Variants in ZNF655 observed in about 807,000 individuals in gnomAD.
The protein encoded by ZNF655 is zinc finger protein 655.
In ZNF655, 3 loss-of-function variants were observed where a neutral mutation model predicts 6.6. The ratio of observed to expected loss-of-function variants is 0.46; its 90% confidence interval spans 0.21 to 1.18. The LOEUF (loss-of-function observed/expected upper bound fraction) is 1.18. Among genes scored for constraint, ZNF655 ranks in the 50% most tolerant of loss-of-function variants. The pLI, the probability that ZNF655 is intolerant of heterozygous loss-of-function variation, is 0.24. For missense variants in ZNF655, 526 were observed against 572.3 expected (o/e 0.92, Z 0.83); for synonymous variants, 178 against 195.0 (o/e 0.91, Z 0.73).
intron 2 of ZNF655, among the ~76,000 whole-genome samples, chr7:99,561,574 T>C (rs371074946): frequency 7.7e-4 from 117 of 152,342 alleles, no homozygotes; most frequent in African/African-American, 2.6e-3. Flanking sequence ...CCCACAAGTC[T>C]TTATGCTTTG....
At chr7:99,571,459 A>G in intron 2 of ZNF655, 3 of 1,269,442 alleles carry the variant, frequency 2.4e-6, no homozygotes, top group Non-Finnish European at 3.0e-6. Context: ...TAATATTTAA[A>G]TGAATCCTTC....
intron 2 of ZNF655, among the ~76,000 whole-genome samples, chr7:99,565,969 T>TATAC (rs1554397932): frequency 6.6e-6 from 1 of 150,906 alleles, no homozygotes. Flanking sequence ...TATGTATGTA[T>TATAC]ACACACACAC....
intron 2 of ZNF655, chr7:99,564,458 G>GTC: frequency 1.0e-6 from 1 of 1,003,460 alleles, no homozygotes; most frequent in Non-Finnish European, 1.2e-6. Flanking sequence ...CCTCTTCAAG[G>GTC]TCCTACCTTC....
chr7:99,573,862 A>G lies in ZNF655; in HGVS notation c.*278A>G. 2.6e-6 allele frequency: 1 copy of G among 385,652 alleles called. No individual in the cohort carries two copies. Among genetic ancestry groups the G allele is most frequent in the East Asian group, 4.3e-5 (1 of 23,168 alleles). 23.9% of individuals were successfully genotyped at this position (385,652 alleles called of 1,614,324 possible). On this transcript the variant is annotated 3_prime_UTR_variant, in exon 3 of 3. Coordinates refer to ENST00000252713, the MANE Select transcript of ZNF655 (RefSeq NM_138494.3). ...AATGTGGCAAATTTTTCATGCTATT[A>G]GTATTTTCATACCTTAGTCACATTT...
chr7:99,562,305 ATTCTC>A (rs1350788139), intron 2 of ZNF655: 1 of 1,596,930 alleles, frequency 6.3e-7, no homozygotes, highest in Non-Finnish European at 8.5e-7. Context: ...TATGATCTTC[ATTCTC>A]TGGCCATGGT....
intron 2 of ZNF655, among the ~76,000 whole-genome samples, chr7:99,567,737 G>A (rs1017886315): frequency 6.6e-6 from 1 of 151,962 alleles, no homozygotes; most frequent in Non-Finnish European, 1.5e-5. Context: ...CTACCTTCTG[G>A]GTACAGGATT....
chr7:99,560,998 G>A (rs2151144928), intron 2 of ZNF655: 2 of 223,016 alleles, frequency 9.0e-6, no homozygotes, highest in Admixed American at 5.7e-5. Flanking sequence ...AAGATATGCT[G>A]CTTTTGCCAC....
Position 99,573,462 on chromosome 7 carries a change from A to C in ZNF655, c.1354A>C (p.Ile452Leu), listed in dbSNP as rs762979419. ...EGSFSHSSDLILQQEVLTRQK... is the reference protein window; with the variant it reads ...EGSFSHSSDLLLQQEVLTRQK... ...CAGTTTCAGTCATAGCTCAGATCTT[A>C]TCCTGCAACAAGAAGTCCTCACCAG... The change falls in exon 3 of 3, where the codon ATC becomes CTC. Residue 452 changes from isoleucine to leucine, a missense_variant. Coordinates refer to ENST00000252713, the MANE Select transcript of ZNF655 (RefSeq NM_138494.3). The C allele has an allele frequency of 1.9e-6, 3 of 1,613,930 alleles. No homozygotes were observed. Among genetic ancestry groups the C allele is most frequent in the Non-Finnish European group, 2.5e-6 (3 of 1,180,022 alleles).
At chr7:99,571,151 A>T (rs750402600) in intron 2 of ZNF655, 8 of 996,182 alleles carry the variant, frequency 8.0e-6, no homozygotes, top group African/African-American at 1.7e-5. Context: ...CCTAATGGGT[A>T]AGAATGTGTC....
intron 2 of ZNF655, 71 bp downstream of exon 2, chr7:99,560,766 C>G: frequency 6.4e-7 from 1 of 1,572,730 alleles, no homozygotes; most frequent in South Asian, 1.2e-5. Context: ...GCTCCTGGGC[C>G]TGGTTTGAGA....
At chr7:99,560,848 T>G (rs1803088695) in intron 2 of ZNF655, 153 bp downstream of exon 2, 1 of 815,660 alleles carries the variant, frequency 1.2e-6, no homozygotes, top group Non-Finnish European at 1.8e-6. Context: ...GTGACTCAGT[T>G]CAGTCCTAGT....
rs114752351 is a variant in ZNF655 at position 99,561,733 on chromosome 7, A to G, written c.136+1038A>G. Among the ~76,000 whole-genome samples, 436 of 152,380 alleles carry G rather than the reference A, an allele frequency of 2.9e-3. 1 individual carries two copies. The highest frequency in any genetic ancestry group is 0.01 in the African/African-American group (424 of 41,586). ...AGGCATGCAAGTACTGAGACGAAGC[A>G]GAGTAGACACACCCAATACCTGAAA... is the stretch of plus-strand genomic sequence containing the variant. On this transcript the variant is annotated intron_variant, in intron 2 of 2. Coordinates refer to ENST00000252713, the MANE Select transcript of ZNF655 (RefSeq NM_138494.3).
intron 2 of ZNF655, 135 bp downstream of exon 2, chr7:99,560,830 G>C (rs554042425): frequency 1.8e-6 from 2 of 1,113,538 alleles, no homozygotes; most frequent in Non-Finnish European, 2.5e-6. Flanking sequence ...ATGAAAGAGG[G>C]GGCAGATGTG....
intron 2 of ZNF655, chr7:99,571,429 C>G: frequency 8.1e-7 from 1 of 1,238,082 alleles, no homozygotes; most frequent in Non-Finnish European, 1.0e-6. Flanking sequence ...CAAACCCATG[C>G]ACACATTCTG....
At chr7:99,561,776 C>A (rs2151146882) in intron 2 of ZNF655, 1 of 493,684 alleles carries the variant, frequency 2.0e-6, no homozygotes, top group Non-Finnish European at 3.4e-6. Flanking sequence ...ATTGGTTTTA[C>A]TAGAGTATTG....
intron 2 of ZNF655, chr7:99,570,874 C>G (rs950743530): frequency 1.9e-5 from 3 of 154,264 alleles, no homozygotes; most frequent in African/African-American, 7.2e-5. Flanking sequence ...AAAATTCTGT[C>G]TCCTTGGAAG....
chr7:99,572,233 A>G lies in ZNF655; in HGVS notation c.137-12A>G, dbSNP rs186505347. ...GATTACATTTGCATTTTCTATTTATATATTGTATCAGATGGAGAGACCAGA... is the reference window on the plus strand; with the variant it reads ...GATTACATTTGCATTTTCTATTTATGTATTGTATCAGATGGAGAGACCAGA... On this transcript the variant is annotated splice_polypyrimidine_tract_variant and intron_variant, in intron 2 of 2. Coordinates refer to ENST00000252713, the MANE Select transcript of ZNF655 (RefSeq NM_138494.3). 2.6e-6 allele frequency: 4 copies of G among 1,563,198 alleles called. No homozygotes were observed. Among genetic ancestry groups the G allele is most frequent in the Non-Finnish European group, 3.4e-6 (4 of 1,160,520 alleles).
At chr7:99,567,548 C>T (rs1803722616) in intron 2 of ZNF655, among the ~76,000 whole-genome samples, 1 of 149,232 alleles carries the variant, frequency 6.7e-6, no homozygotes, top group Admixed American at 6.7e-5. Flanking sequence ...AAAAAAAAAG[C>T]ATTCACGTCA....
intron 1 of ZNF655, chr7:99,559,080 G>C (rs1022845639): frequency 1.3e-5 from 2 of 152,380 alleles, no homozygotes; most frequent in Non-Finnish European, 2.9e-5. Context: ...AGTGGGAGGA[G>C]GGCAGCGCCG....
Sources: allele counts gnomAD v4.1 joint callset (sites outside exome capture counted in the v4.1 genomes callset), GRCh38; gene constraint gnomAD v4.1.1; transcripts MANE v1.5; gene names NCBI Gene and HGNC (gene_info 2026-07-23, HGNC 2026-07-21).